The following CADPS2 variants were observed in gnomAD, a reference collection of about 807,000 sequenced individuals.
CADPS2 encodes calcium dependent secretion activator 2, also known as calcium-dependent secretion activator 2.
A neutral mutation model predicts 172.5 loss-of-function variants in CADPS2; 93 were observed. That is an observed-to-expected ratio of 0.54 (90% CI 0.46 to 0.64). The LOEUF is 0.64. CADPS2 is among the 30% of genes least tolerant of loss of function. The pLI is 0.00. For missense variants in CADPS2, 1,420 were observed against 1,565.9 expected, an observed-to-expected ratio of 0.91 and a Z score of 1.57; for synonymous variants, 546 against 555.2, an observed-to-expected ratio of 0.98 and a Z score of 0.23.
intron 3 of CADPS2, among the ~76,000 whole-genome samples, chr7:122,639,486 C>A (rs781236976): frequency 6.6e-6 from 1 of 152,122 alleles, no homozygotes; most frequent in Non-Finnish European, 1.5e-5. Flanking sequence ...GCTACGTAAT[C>A]ACCCATCTAA....
In CADPS2 at chr7:122,579,450, AATATATATATAT is replaced by A. The variant is rs3034498; in HGVS notation, c.1335+1717_1335+1728del. On this transcript the variant is annotated intron_variant, in intron 7 of 29. Coordinates refer to ENST00000449022, the MANE Select transcript of CADPS2 (RefSeq NM_017954.11). ...GTTTCTCAGATATAAAATTGCATCG[AATATATATATAT>A]ATATATATATATATATATGTCACTT... is the stretch of plus-strand genomic sequence containing the variant. Among the ~76,000 whole-genome samples, 11 of 128,666 alleles carry A rather than the reference AATATATATATAT, an allele frequency of 8.5e-5. 1 individual carries two copies. Among genetic ancestry groups the A allele is most frequent in the African/African-American group, 3.0e-4 (10 of 33,800 alleles). 84.4% of individuals were successfully genotyped at this position (128,666 alleles called of 152,430 possible).
In CADPS2 at chr7:122,593,387, C is replaced by G. The variant is rs563412679; in HGVS notation, c.1224-12097G>C. 1.3e-4 allele frequency among the ~76,000 whole-genome samples: 20 copies of G among 152,062 alleles called. No individual in the cohort carries two copies. The East Asian group carries it at 2.3e-3, about 18-fold the overall frequency. On this transcript the variant is annotated intron_variant, in intron 6 of 29. Transcript: ENST00000449022. ...TCGCCCACAGCCGAGTACAATGGTA[C>G]AGAAATAGGGCTACCAAGTACAGAC...
chr7:122,474,304 A>C, intron 13 of CADPS2, 77 bp downstream of exon 13: 1 of 1,449,234 alleles, frequency 6.9e-7, no homozygotes, highest in Non-Finnish European at 9.4e-7. Flanking sequence ...CACTTTCTAA[A>C]ATCTTTTATT....
chr7:122,838,024 T>A (rs1306020323), intron 1 of CADPS2, among the ~76,000 whole-genome samples: 1 of 152,060 alleles, frequency 6.6e-6, no homozygotes, highest in Non-Finnish European at 1.5e-5. Flanking sequence ...GATGCAAAAA[T>A]CCTCAATAAA....
At chr7:122,449,526 TGCCTAGGCTGGTCTTGAACTCCTGG>T (rs2052772874) in intron 15 of CADPS2, among the ~76,000 whole-genome samples, 1 of 152,106 alleles carries the variant, frequency 6.6e-6, no homozygotes, top group African/African-American at 2.4e-5. Flanking sequence ...CTCGCTACGT[TGCCTAGGCTGGTCTTGAACTCCTGG>T]GCTCAAGCAA....
At chr7:122,834,321 G>A (rs956777723) in intron 1 of CADPS2, among the ~76,000 whole-genome samples, 1 of 152,228 alleles carries the variant, frequency 6.6e-6, no homozygotes, top group Admixed American at 6.5e-5. Flanking sequence ...GCAGTTCCAA[G>A]ATGGCTGAAT....
chr7:122,463,585 C>G (rs566468860), intron 14 of CADPS2, among the ~76,000 whole-genome samples: 23 of 152,132 alleles, frequency 1.5e-4, no homozygotes, highest in Admixed American at 5.2e-4. Flanking sequence ...GGGGAAGTTA[C>G]AGCCCTAAAC....
At chr7:122,732,730 ATTATAT>A (rs1294651744) in intron 2 of CADPS2, among the ~76,000 whole-genome samples, 6 of 144,054 alleles carry the variant, frequency 4.2e-5, no homozygotes, top group African/African-American at 1.5e-4. Flanking sequence ...ATTACATATC[ATTATAT>A]ATTATATATA....
At chr7:122,783,442 A>G (rs937084694) in intron 1 of CADPS2, among the ~76,000 whole-genome samples, 1 of 152,106 alleles carries the variant, frequency 6.6e-6, no homozygotes, top group Non-Finnish European at 1.5e-5. Flanking sequence ...CGTTCCTCAC[A>G]TGGGGCACCA....
chr7:122,676,724 G>T, intron 2 of CADPS2: 8 of 1,545,592 alleles, frequency 5.2e-6, no homozygotes, highest in Non-Finnish European at 7.1e-6. Flanking sequence ...AAGGACATGG[G>T]GCCAACTCAG....
chr7:122,848,776 A>G (rs918466921), intron 1 of CADPS2, among the ~76,000 whole-genome samples: 6 of 152,140 alleles, frequency 3.9e-5, no homozygotes, highest in Admixed American at 2.6e-4. Flanking sequence ...TTTCCCCAAG[A>G]GTTTCAGACA....
chr7:122,482,932 C>T (rs910060979), intron 11 of CADPS2, among the ~76,000 whole-genome samples: 2 of 152,208 alleles, frequency 1.3e-5, no homozygotes, highest in South Asian at 2.1e-4. Context: ...CTAAAGGATT[C>T]GAGAGGACAG....
At chr7:122,321,245 C>T (rs2032420355) in intron 29 of CADPS2, among the ~76,000 whole-genome samples, 1 of 152,186 alleles carries the variant, frequency 6.6e-6, no homozygotes, top group African/African-American at 2.4e-5. Context: ...TTGCTTACTG[C>T]AGCCTCGACC....
intron 15 of CADPS2, among the ~76,000 whole-genome samples, chr7:122,448,476 C>A (rs1015519692): frequency 2.0e-5 from 3 of 152,044 alleles, no homozygotes; most frequent in Non-Finnish European, 4.4e-5. Flanking sequence ...AGAAATTATC[C>A]AAAGATGATG....
At chr7:122,744,970 C>CTTTT (rs111615580) in intron 1 of CADPS2, among the ~76,000 whole-genome samples, 1 of 147,872 alleles carries the variant, frequency 6.8e-6, no homozygotes, top group African/African-American at 2.5e-5. Flanking sequence ...TCTCATTTTT[C>CTTTT]TTTTTTTTTT....
intron 8 of CADPS2, among the ~76,000 whole-genome samples, chr7:122,528,604 TATA>T (rs1319664358): frequency 2.0e-5 from 3 of 152,284 alleles, no homozygotes; most frequent in Non-Finnish European, 2.9e-5. Flanking sequence ...ACTAGATTTA[TATA>T]ATGTTTCTTT....
chr7:122,711,382 A>G (rs1165575755), intron 2 of CADPS2, among the ~76,000 whole-genome samples: 1 of 152,164 alleles, frequency 6.6e-6, no homozygotes, highest in Non-Finnish European at 1.5e-5. Context: ...CTACAACTAT[A>G]TATCAGGTCA....
chr7:122,627,705 C>T (rs2076213944), intron 4 of CADPS2, among the ~76,000 whole-genome samples: 2 of 152,138 alleles, frequency 1.3e-5, no homozygotes, highest in South Asian at 2.1e-4. Context: ...GTCTCAGGTA[C>T]AATCTATATA....
At chr7:122,494,088 G>A (rs993526066) in intron 9 of CADPS2, among the ~76,000 whole-genome samples, 9 of 152,080 alleles carry the variant, frequency 5.9e-5, no homozygotes, top group Admixed American at 5.9e-4. Flanking sequence ...GATTATCGTC[G>A]ATATGTGGGT....
Sources: gnomAD v4.1 joint callset for allele counts (sites outside exome capture counted in the v4.1 genomes callset) on GRCh38, gnomAD v4.1.1 for gene constraint, MANE v1.5 for transcripts, NCBI Gene and HGNC (gene_info 2026-07-23, HGNC 2026-07-21) for gene names.